LRRC20: variants seen among roughly 807,000 people sequenced by gnomAD.
The protein encoded by LRRC20 is leucine-rich repeat-containing protein 20.
A neutral mutation model predicts 14.4 loss-of-function variants in LRRC20; 11 were observed. The ratio of observed to expected loss-of-function variants is 0.77; its 90% CI spans 0.48 to 1.27. LRRC20 has a LOEUF of 1.27. Among genes scored for constraint, LRRC20 ranks in the 50% most tolerant of loss-of-function variants. LRRC20 has a pLI of 0.00. For synonymous variants in LRRC20, 121 were observed against 107.3 expected (o/e 1.13, Z -0.79); for missense variants, 219 against 251.2 (o/e 0.87, Z 0.87).
intron 2 of LRRC20, among the ~76,000 whole-genome samples, chr10:70,349,001 G>A (rs947522831): frequency 2.6e-5 from 4 of 152,110 alleles, no homozygotes; most frequent in African/African-American, 9.7e-5. Flanking sequence ...GTGACTGGGG[G>A]CCAGGTCCCA....
In LRRC20 at chr10:70,315,836, T is replaced by C. The variant is rs531341294; in HGVS notation, c.400+8027A>G. Among the ~76,000 whole-genome samples, 8 of 152,364 alleles carry C rather than the reference T, an allele frequency of 5.3e-5. No individual in the cohort carries two copies. The South Asian group carries it at 1.7e-3, about 32-fold the overall frequency. On this transcript the variant is annotated intron_variant, in intron 4 of 4. Transcript: ENST00000446961. ...GTGATAGATTTGAGGTATCCTCTCA[T>C]GTCTTCGTTCAGTGACCCTATGATT...
At chr10:70,327,818 C>T (rs1842385596) in intron 3 of LRRC20, among the ~76,000 whole-genome samples, 1 of 152,146 alleles carries the variant, frequency 6.6e-6, no homozygotes, top group African/African-American at 2.4e-5. Context: ...ATGTGAACCC[C>T]AGCCAGCCGT....
intron 2 of LRRC20, among the ~76,000 whole-genome samples, chr10:70,346,900 T>C (rs912313794): frequency 1.3e-5 from 2 of 152,214 alleles, no homozygotes; most frequent in Admixed American, 1.3e-4. Flanking sequence ...TTAGCTATTT[T>C]TCTGAGACAG....
chr10:70,321,784 G>C (rs925116875), intron 4 of LRRC20, among the ~76,000 whole-genome samples: 1 of 152,228 alleles, frequency 6.6e-6, no homozygotes, highest in African/African-American at 2.4e-5. Flanking sequence ...TGTGTGATAG[G>C]CACTTGGCCA....
rs1380193594 is a variant in LRRC20 at position 70,319,185 on chromosome 10, AAAAAAG to A, written c.400+4672_400+4677del. On this transcript the variant is annotated intron_variant, in intron 4 of 4. Coordinates refer to ENST00000446961, the MANE Select transcript of LRRC20 (RefSeq NM_001278212.2). The stretch of plus-strand genomic sequence containing the variant: ...GTGGGTGTATAGGGAAAAAAAAAAA[AAAAAAG>A]AAAGAAACAGAGAACTGAAGGTTAC... Among the ~76,000 whole-genome samples the A allele has an allele frequency of 1.4e-3, 206 of 151,704 alleles. 1 individual carries two copies. The highest frequency in any genetic ancestry group is 4.6e-3 in the African/African-American group (190 of 41,204).
intron 3 of LRRC20, among the ~76,000 whole-genome samples, chr10:70,335,605 A>G (rs1842704262): frequency 1.3e-5 from 2 of 152,204 alleles, no homozygotes; most frequent in South Asian, 2.1e-4. Context: ...GGCCTCACAC[A>G]GCTTCTCCCT....
intron 4 of LRRC20, among the ~76,000 whole-genome samples, chr10:70,306,921 T>G (rs1564609697): frequency 6.6e-6 from 1 of 152,246 alleles, no homozygotes; most frequent in African/African-American, 2.4e-5. Context: ...TGATTTACAA[T>G]TCATTATTGG....
intron 2 of LRRC20, among the ~76,000 whole-genome samples, chr10:70,371,818 G>C (rs115889082): frequency 6.7e-6 from 1 of 150,142 alleles, no homozygotes; most frequent in Non-Finnish European, 1.5e-5. Flanking sequence ...AGGAGCCCAC[G>C]TCTCTGGGGA....
intron 2 of LRRC20, among the ~76,000 whole-genome samples, chr10:70,375,503 C>T (rs1844473089): frequency 6.6e-6 from 1 of 152,124 alleles, no homozygotes; most frequent in African/African-American, 2.4e-5. Context: ...ACTGCCTTTC[C>T]AGTCTCTGTG....
chr10:70,335,346 AGGCCCCAGGCT>A (rs1208608159), intron 3 of LRRC20, among the ~76,000 whole-genome samples: 1 of 152,138 alleles, frequency 6.6e-6, no homozygotes, highest in Admixed American at 6.5e-5. Flanking sequence ...GTCTCCATGG[AGGCCCCAGGCT>A]GGCCGACTGG....
At chr10:70,325,421 C>A (rs763392425) in intron 3 of LRRC20, among the ~76,000 whole-genome samples, 2 of 152,172 alleles carry the variant, frequency 1.3e-5, no homozygotes, top group Non-Finnish European at 2.9e-5. Context: ...CCCTCCACCT[C>A]GGCAGGGAGG....
At chr10:70,333,240 G>A (rs1386081253) in intron 3 of LRRC20, among the ~76,000 whole-genome samples, 1 of 152,144 alleles carries the variant, frequency 6.6e-6, no homozygotes, top group Non-Finnish European at 1.5e-5. Flanking sequence ...GGTGTTCCAG[G>A]TGTACCCTCC....
chr10:70,331,872 T>G (rs1184491868), intron 3 of LRRC20, among the ~76,000 whole-genome samples: 1 of 152,200 alleles, frequency 6.6e-6, no homozygotes, highest in Non-Finnish European at 1.5e-5. Flanking sequence ...AAGTTCCTCT[T>G]ATTACTTCCT....
At chr10:70,366,296 G>A (rs983029222) in intron 2 of LRRC20, among the ~76,000 whole-genome samples, 105 of 151,744 alleles carry the variant, frequency 6.9e-4, no homozygotes, top group Middle Eastern at 3.4e-3. Flanking sequence ...GGTGGCAGGC[G>A]CCTGTAATCC....
At chr10:70,363,509 T>C (rs1843835562) in intron 2 of LRRC20, among the ~76,000 whole-genome samples, 1 of 152,118 alleles carries the variant, frequency 6.6e-6, no homozygotes, top group African/African-American at 2.4e-5. Flanking sequence ...ATCTCTGCTG[T>C]TCATATTTTG....
At chr10:70,360,118 C>T (rs962086106) in intron 2 of LRRC20, among the ~76,000 whole-genome samples, 24 of 152,016 alleles carry the variant, frequency 1.6e-4, no homozygotes, top group African/African-American at 5.8e-4. Context: ...GTTTCACCAT[C>T]TTGGCCAGGC....
chr10:70,301,375 G>C lies in LRRC20; in HGVS notation c.534C>G (p.Gly178=), dbSNP rs776696097. The C allele has an allele frequency of 3.7e-6, 6 of 1,613,252 alleles. No homozygotes were observed. In the African/African-American group the frequency reaches 8.0e-5, roughly 22 times the overall value. The stretch of plus-strand genomic sequence containing the variant: ...TGGCCTAAGGTAGGGGGGCTCTTGC[G>C]CCTTCCGGAGACATGAGCATGTCAA... The part of the protein sequence containing the change: ...IKFDMLMSPE[G]ARAPLP Residue 178 remains glycine, a synonymous_variant, in exon 5 of 5, where the codon GGC becomes GGG. Transcript: ENST00000446961.
At chr10:70,325,093 GA>G (rs990069120) in intron 3 of LRRC20, among the ~76,000 whole-genome samples, 1 of 152,106 alleles carries the variant, frequency 6.6e-6, no homozygotes, top group African/African-American at 2.4e-5. Context: ...TGACCCGAGG[GA>G]AACTGAGGCC....
chr10:70,301,451 A>G lies in LRRC20; in HGVS notation c.458T>C (p.Phe153Ser). Residue 153 changes from phenylalanine to serine, a missense_variant, in exon 5 of 5, where the codon TTC becomes TCC. Transcript: ENST00000446961. ...MPALRSINLR[F>S]NPLNAEVRVI... ...GCGCACCTCGGCGTTGAGTGGGTTG[A>G]AGCGGAGGTTGATGCTGCGCAAGGC... 2 of 1,614,074 alleles carry G rather than the reference A, an allele frequency of 1.2e-6. No homozygotes were observed. The highest frequency in any genetic ancestry group is 1.1e-5 in the South Asian group (1 of 91,088).
Sources: allele counts gnomAD v4.1 joint callset (sites outside exome capture counted in the v4.1 genomes callset), GRCh38; gene constraint gnomAD v4.1.1; transcripts MANE v1.5; gene names NCBI Gene and HGNC (gene_info 2026-07-23, HGNC 2026-07-21).